Variants in RAB6A observed in about 807,000 individuals in gnomAD.
The protein encoded by RAB6A is RAB6A, member RAS oncogene family, also known as ras-related protein Rab-6A.
A neutral mutation model predicts 32.3 loss-of-function variants in RAB6A; 8 were observed. That is an observed-to-expected ratio of 0.25 (90% confidence interval 0.15 to 0.45). RAB6A has a LOEUF of 0.45. RAB6A is among the 20% of genes least tolerant of loss of function. RAB6A has a pLI of 1.00. For missense variants in RAB6A, 104 were observed against 249.4 expected (o/e 0.42, Z 3.93); for synonymous variants, 73 against 82.1 (o/e 0.89, Z 0.60).
At chr11:73,692,813 T>C (rs1370653361) in intron 6 of RAB6A, among the ~76,000 whole-genome samples, 1 of 73,886 alleles carries the variant, frequency 1.4e-5, no homozygotes. Flanking sequence ...AAAAAAAAAT[T>C]AGCCGGGCGT....
chr11:73,739,282 A>ACATATATATATATAT (rs1289309364), intron 1 of RAB6A, among the ~76,000 whole-genome samples: 1 of 15,332 alleles, frequency 6.5e-5, no homozygotes, highest in African/African-American at 1.4e-4. Flanking sequence ...AAAAAAAAAA[A>ACATATATATATATAT]AAATATATAT....
intron 1 of RAB6A, among the ~76,000 whole-genome samples, chr11:73,755,433 A>G (rs1946731646): frequency 6.6e-6 from 1 of 151,806 alleles, no homozygotes; most frequent in Non-Finnish European, 1.5e-5. Context: ...AGCTGGGACT[A>G]CAGGCACGCA....
intron 6 of RAB6A, among the ~76,000 whole-genome samples, chr11:73,692,661 CA>C (rs1362498066): frequency 6.6e-6 from 1 of 150,378 alleles, no homozygotes; most frequent in Non-Finnish European, 1.5e-5. Flanking sequence ...TGATAATAAA[CA>C]AATGCCTGCC....
chr11:73,738,317 A>C (rs1454528830), intron 1 of RAB6A, among the ~76,000 whole-genome samples: 2 of 152,030 alleles, frequency 1.3e-5, no homozygotes, highest in Non-Finnish European at 2.9e-5. Context: ...CGGTACTACA[A>C]TGTGAATGTT....
intron 6 of RAB6A, among the ~76,000 whole-genome samples, chr11:73,703,808 G>A (rs912132626): frequency 1.3e-5 from 2 of 151,906 alleles, no homozygotes; most frequent in East Asian, 1.9e-4. Context: ...CGTGGCTCAC[G>A]CCTGTATACC....
At chr11:73,690,207 T>TA (rs1452731740) in intron 6 of RAB6A, among the ~76,000 whole-genome samples, 2 of 152,200 alleles carry the variant, frequency 1.3e-5, no homozygotes, top group African/African-American at 4.8e-5. Context: ...TTCATTCTAA[T>TA]AAAAAGGGGA....
chr11:73,745,205 C>T (rs1055891160), intron 1 of RAB6A, among the ~76,000 whole-genome samples: 6 of 152,132 alleles, frequency 3.9e-5, no homozygotes, highest in African/African-American at 1.4e-4. Context: ...TTACCTCTCT[C>T]AACTACACAC....
intron 2 of RAB6A, among the ~76,000 whole-genome samples, chr11:73,728,715 T>C (rs1313735964): frequency 1.3e-5 from 2 of 151,578 alleles, no homozygotes; most frequent in Non-Finnish European, 2.9e-5. Flanking sequence ...TTGTATTTTA[T>C]TGACAATTTT....
At chr11:73,737,712 T>C (rs1946421299) in intron 1 of RAB6A, among the ~76,000 whole-genome samples, 1 of 152,016 alleles carries the variant, frequency 6.6e-6, no homozygotes, top group African/African-American at 2.4e-5. Flanking sequence ...CCACATATTA[T>C]TGCCGGGCAT....
In RAB6A at chr11:73,676,881, T is replaced by G. The variant is rs1457492475; in HGVS notation, c.*1017A>C. ...TTTTGATCGTAGCGCCAAATTTAAA[T>G]TCTTCCACTGGTTCTTCTGGAAGGA... On this transcript the variant is annotated 3_prime_UTR_variant, in exon 8 of 8. Coordinates refer to ENST00000336083, the MANE Select transcript of RAB6A (RefSeq NM_198896.2). 4 of 167,034 alleles carry G rather than the reference T, an allele frequency of 2.4e-5. No individual in the cohort carries two copies. The highest frequency in any genetic ancestry group is 5.9e-5 in the Non-Finnish European group (4 of 68,132). The allele number at this position is 167,034 out of a possible 1,614,324, so 10.3% of individuals were successfully genotyped here.
chr11:73,725,109 A>C (rs905316034), intron 2 of RAB6A, among the ~76,000 whole-genome samples: 21 of 152,358 alleles, frequency 1.4e-4, no homozygotes, highest in Middle Eastern at 3.4e-3. Flanking sequence ...ATACTGTTAC[A>C]TGTACTTAGA....
At chr11:73,756,442 T>C (rs899582303) in intron 1 of RAB6A, among the ~76,000 whole-genome samples, 3 of 152,084 alleles carry the variant, frequency 2.0e-5, no homozygotes, top group Admixed American at 2.0e-4. Context: ...TCAGCATTGA[T>C]GGAAAAAAAG....
intron 6 of RAB6A, among the ~76,000 whole-genome samples, chr11:73,691,727 G>C (rs1027635384): frequency 1.3e-5 from 2 of 152,172 alleles, no homozygotes; most frequent in Non-Finnish European, 2.9e-5. Flanking sequence ...TTGGGAGGCC[G>C]AGGCAGGCGG....
Position 73,708,559 on chromosome 11 carries a change from C to T in RAB6A, c.402-1046G>A, listed in dbSNP as rs558143429. Among the ~76,000 whole-genome samples, 8 of 152,262 alleles carry T rather than the reference C, an allele frequency of 5.3e-5. No individual in the cohort carries two copies. In the South Asian group the frequency reaches 1.7e-3, roughly 32 times the overall value. ...CAAAATATTAATACTTTAATATTACCTTTACAGGGTATTTTGTGATGCATT... is the reference window on the plus strand; with the variant it reads ...CAAAATATTAATACTTTAATATTACTTTTACAGGGTATTTTGTGATGCATT... On this transcript the variant is annotated intron_variant, in intron 5 of 7. Transcript: ENST00000336083.
At chr11:73,728,539 GA>G (rs1946256774) in intron 2 of RAB6A, among the ~76,000 whole-genome samples, 1 of 150,634 alleles carries the variant, frequency 6.6e-6, no homozygotes, top group South Asian at 2.1e-4. Flanking sequence ...TTGGAAAGCC[GA>G]GGTGAAAGGG....
chr11:73,683,552 C>T (rs1945393228), intron 6 of RAB6A, among the ~76,000 whole-genome samples: 1 of 151,422 alleles, frequency 6.6e-6, no homozygotes, highest in Admixed American at 6.6e-5. Context: ...ACCACCGCAC[C>T]TGGTGGCACT....
intron 1 of RAB6A, among the ~76,000 whole-genome samples, chr11:73,743,237 G>A (rs949693425): frequency 2.0e-5 from 3 of 151,140 alleles, no homozygotes; most frequent in South Asian, 2.1e-4. Flanking sequence ...CCTGGGAGGC[G>A]GAGGTTGCAA....
In RAB6A at chr11:73,751,632, G is replaced by A. The variant is rs553512248; in HGVS notation, c.70+8934C>T. Among the ~76,000 whole-genome samples, 4 of 152,292 alleles carry A rather than the reference G, an allele frequency of 2.6e-5. No homozygotes were observed. The South Asian group carries it at 8.3e-4, about 32-fold the overall frequency. The stretch of plus-strand genomic sequence containing the variant: ...ACACAGCTGAAAATTAGAAGATAAT[G>A]CTGCTGAGAAAGAAAAACGGGGTTT... On this transcript the variant is annotated intron_variant, in intron 1 of 7. Coordinates refer to ENST00000336083, the MANE Select transcript of RAB6A (RefSeq NM_198896.2).
intron 1 of RAB6A, among the ~76,000 whole-genome samples, chr11:73,735,177 G>A (rs1946375451): frequency 6.6e-6 from 1 of 152,156 alleles, no homozygotes; most frequent in Non-Finnish European, 1.5e-5. Flanking sequence ...TTGCAATTCT[G>A]TGAAGGCCAG....
Sources: gnomAD v4.1 joint callset for allele counts (sites outside exome capture counted in the v4.1 genomes callset) on GRCh38, gnomAD v4.1.1 for gene constraint, MANE v1.5 for transcripts, NCBI Gene and HGNC (gene_info 2026-07-23, HGNC 2026-07-21) for gene names.